Variants in ECT2L observed in about 807,000 individuals in gnomAD.
The protein encoded by ECT2L is epithelial cell transforming 2 like.
A neutral mutation model predicts 122.8 loss-of-function variants in ECT2L; 126 were observed. That is an observed-to-expected ratio of 1.03 (90% confidence interval 0.89 to 1.19). ECT2L has a LOEUF of 1.19. Ranked by LOEUF, ECT2L falls within the 50% of genes most tolerant of loss-of-function variation. The probability of loss-of-function intolerance (pLI) is 0.00; values close to 1 mark genes in which losing one functional copy is unlikely to be tolerated. For missense variants in ECT2L, 1,012 were observed against 1,064.1 expected (o/e 0.95, Z 0.68); for synonymous variants, 385 against 381.8 (o/e 1.01, Z -0.10).
At chr6:138,873,711 T>C (rs1363789726) in intron 13 of ECT2L, among the ~76,000 whole-genome samples, 1 of 152,074 alleles carries the variant, frequency 6.6e-6, no homozygotes, top group Non-Finnish European at 1.5e-5. Flanking sequence ...GGAGAATCCC[T>C]TGAACTTGGG....
At chr6:138,818,253 C>CA (rs140216144) in intron 4 of ECT2L, among the ~76,000 whole-genome samples, 1 of 152,252 alleles carries the variant, frequency 6.6e-6, no homozygotes, top group East Asian at 1.9e-4. Context: ...TCACTCTCGT[C>CA]ACTTGTCTCC....
At chr6:138,814,327 T>C (rs1041819726) in intron 3 of ECT2L, among the ~76,000 whole-genome samples, 164 bp from the exon 4 acceptor site, 1 of 152,216 alleles carries the variant, frequency 6.6e-6, no homozygotes, top group Non-Finnish European at 1.5e-5. Context: ...AAGTTTAACC[T>C]GAAAGGAGAG....
At chr6:138,896,060 T>C (rs985163961) in intron 20 of ECT2L, among the ~76,000 whole-genome samples, 1 of 147,732 alleles carries the variant, frequency 6.8e-6, no homozygotes, top group Non-Finnish European at 1.5e-5. Context: ...TGTATTATCG[T>C]TTTTTTCATA....
chr6:138,822,670 C>G (rs557033668), intron 4 of ECT2L: 5 of 1,312,028 alleles, frequency 3.8e-6, no homozygotes, highest in Middle Eastern at 1.9e-4. Context: ...CGAATAGGAA[C>G]AGCTCCGGTC....
At chr6:138,852,776 T>G (rs1189870929) in intron 9 of ECT2L, among the ~76,000 whole-genome samples, 1 of 152,164 alleles carries the variant, frequency 6.6e-6, no homozygotes, top group East Asian at 1.9e-4. Flanking sequence ...GTTTGGGGTT[T>G]AAATTTAAAT....
At chr6:138,873,691 G>C (rs939342208) in intron 13 of ECT2L, among the ~76,000 whole-genome samples, 2 of 152,186 alleles carry the variant, frequency 1.3e-5, no homozygotes, top group African/African-American at 4.8e-5. Context: ...CTACTCGGGA[G>C]TCTGAGGCAG....
At chr6:138,882,703 T>G (rs1256272759) in intron 15 of ECT2L, 21 bp from the exon 16 acceptor site, 1 of 1,612,014 alleles carries the variant, frequency 6.2e-7, no homozygotes, top group Admixed American at 1.7e-5. Context: ...ATTTCATGCT[T>G]ATGCTCTTCT....
chr6:138,885,022 C>CTTTTTTTTTTTTTTT (rs34579502), intron 16 of ECT2L, among the ~76,000 whole-genome samples: 1 of 78,852 alleles, frequency 1.3e-5, no homozygotes, highest in Admixed American at 1.7e-4. Context: ...AACACACATT[C>CTTTTTTTTTTTTTTT]TTTTTTTTTT....
chr6:138,838,886 ACT>A (rs1776939554), intron 5 of ECT2L, among the ~76,000 whole-genome samples: 1 of 151,782 alleles, frequency 6.6e-6, no homozygotes, highest in Non-Finnish European at 1.5e-5. Context: ...GGTTCAAGTG[ACT>A]CTCCCACCTC....
At chr6:138,833,056 C>T (rs1009475202) in intron 4 of ECT2L, among the ~76,000 whole-genome samples, 1 of 152,042 alleles carries the variant, frequency 6.6e-6, no homozygotes, top group Non-Finnish European at 1.5e-5. Flanking sequence ...AACTGTCAAA[C>T]GCCAATAAAA....
chr6:138,817,866 G>T (rs1419353111), intron 4 of ECT2L, among the ~76,000 whole-genome samples: 2 of 152,100 alleles, frequency 1.3e-5, no homozygotes, highest in Non-Finnish European at 2.9e-5. Flanking sequence ...TTCTTGGTAT[G>T]TTATGGCCCC....
chr6:138,799,284 C>T (rs971556971), intron 1 of ECT2L, among the ~76,000 whole-genome samples: 2 of 151,252 alleles, frequency 1.3e-5, no homozygotes, highest in Admixed American at 6.6e-5. Flanking sequence ...GACGGAGTCT[C>T]GCTCTGTCAC....
At chr6:138,879,683 G>T (rs1778580884) in intron 14 of ECT2L, among the ~76,000 whole-genome samples, 1 of 152,156 alleles carries the variant, frequency 6.6e-6, no homozygotes, top group African/African-American at 2.4e-5. Context: ...GGCTGGGCAA[G>T]GTGGCTCATG....
intron 16 of ECT2L, among the ~76,000 whole-genome samples, chr6:138,884,065 C>T (rs1251935392): frequency 6.6e-6 from 1 of 152,080 alleles, no homozygotes; most frequent in African/African-American, 2.4e-5. Flanking sequence ...GGAGTTTCAC[C>T]ATGTTGTCCA....
rs776602596 is a variant in ECT2L, at chr6:138,882,873, T to C, written c.2028+2T>C. On this transcript the variant is annotated splice_donor_variant, in intron 16 of 21. Transcript: ENST00000541398. LOFTEE classifies it high-confidence loss of function. ...GTCATTCTGAAAACTATTGAGAAGGTAAATGAGTTTCAATTCCATCATTCT... is the reference window on the plus strand; with the variant it reads ...GTCATTCTGAAAACTATTGAGAAGGCAAATGAGTTTCAATTCCATCATTCT... 5.6e-6 allele frequency: 9 copies of C among 1,595,032 alleles called. No individual in the cohort carries two copies. Among genetic ancestry groups the C allele is most frequent in the East Asian group, 4.9e-5 (2 of 41,076 alleles).
intron 4 of ECT2L, among the ~76,000 whole-genome samples, chr6:138,824,834 C>T (rs1776388530): frequency 1.3e-5 from 2 of 152,166 alleles, no homozygotes; most frequent in Non-Finnish European, 2.9e-5. Context: ...GCCAAAATAG[C>T]TTTCACCAGC....
chr6:138,851,482 CTTTTTTTTTTT>C (rs56921189), intron 9 of ECT2L, among the ~76,000 whole-genome samples: 1 of 109,636 alleles, frequency 9.1e-6, no homozygotes, highest in Non-Finnish European at 1.8e-5. Context: ...TGTGCCTAGC[CTTTTTTTTTTT>C]TTTTTTTTTT....
chr6:138,833,151 T>A (rs1776708591), intron 4 of ECT2L, among the ~76,000 whole-genome samples: 1 of 152,130 alleles, frequency 6.6e-6, no homozygotes, highest in Non-Finnish European at 1.5e-5. Flanking sequence ...ACCAGGTCCC[T>A]CCCTTGACAT....
intron 7 of ECT2L, among the ~76,000 whole-genome samples, chr6:138,845,301 G>A (rs6940105): frequency 0.034 from 5,142 of 150,510 alleles, 120 homozygotes; most frequent in African/African-American, 0.068. Context: ...AGAGTGCAGC[G>A]GCACAATCTC....
Sources: allele counts gnomAD v4.1 joint callset (sites outside exome capture counted in the v4.1 genomes callset), GRCh38; gene constraint gnomAD v4.1.1; transcripts MANE v1.5; gene names NCBI Gene and HGNC (gene_info 2026-07-23, HGNC 2026-07-21).